Variants in ILF2 observed in about 807,000 individuals in gnomAD.
ILF2 encodes interleukin enhancer binding factor 2, also known as interleukin enhancer-binding factor 2.
In ILF2, 9 loss-of-function variants were observed where a neutral mutation model predicts 55.3. That is an observed-to-expected ratio of 0.16 (90% CI 0.10 to 0.28). ILF2 has a LOEUF of 0.28. ILF2 is among the 10% of genes least tolerant of loss of function. ILF2 has a pLI of 1.00. For missense variants in ILF2, 266 were observed against 474.9 expected, an observed-to-expected ratio of 0.56 and a Z score of 4.09; for synonymous variants, 151 against 161.8, an observed-to-expected ratio of 0.93 and a Z score of 0.50.
intron 12 of ILF2, 97 bp downstream of exon 12, chr1:153,662,922 A>G: frequency 7.5e-7 from 1 of 1,336,634 alleles, no homozygotes; most frequent in Non-Finnish European, 1.1e-6. Context: ...GAATCCCCAA[A>G]TTCCTGACCC....
chr1:153,663,014 A>G lies in ILF2; in HGVS notation c.921+5T>C. 1.9e-6 allele frequency: 3 copies of G among 1,607,518 alleles called. No homozygotes were observed. Among genetic ancestry groups the G allele is most frequent in the Middle Eastern group, 1.7e-4 (1 of 6,044 alleles). On this transcript the variant is annotated splice_donor_5th_base_variant and intron_variant, in intron 12 of 13. Coordinates refer to ENST00000361891, the MANE Select transcript of ILF2 (RefSeq NM_004515.4). ...AAACAACTCAGTTCATATCTGTCCC[A>G]ATACCTGCTGTTCTAGGGTCATGAC...
chr1:153,669,871 G>A lies in ILF2; in HGVS notation c.73C>T (p.Pro25Ser). The change falls in exon 3 of 14, where the codon CCC becomes TCC. Residue 25 changes from proline (P) to serine (S), a missense_variant. Transcript: ENST00000361891. ...SRGGPGGGFR[P>S]FVPHIPFDFY... ...TCAAATGGGATATGTGGTACAAAGG[G>A]CCTGAACCTAAAACATGAAAAACAG... is the stretch of plus-strand genomic sequence containing the variant. 6.2e-7 allele frequency: 1 copy of A among 1,612,682 alleles called. No individual in the cohort carries two copies. The highest frequency in any genetic ancestry group is 8.5e-7 in the Non-Finnish European group (1 of 1,178,700).
chr1:153,666,100 G>C (rs1412612785), intron 6 of ILF2, among the ~76,000 whole-genome samples: 2 of 152,170 alleles, frequency 1.3e-5, no homozygotes, highest in Non-Finnish European at 2.9e-5. Flanking sequence ...CCAGGCTGCA[G>C]TGCAGTGGCA....
Position 153,662,524 on chromosome 1 carries a change from C to T in ILF2, c.1045G>A (p.Val349Met). The change falls in exon 14 of 14, where the codon GTG becomes ATG. Residue 349 changes from valine to methionine, a missense_variant. By Grantham distance (21) the Val-to-Met change is conservative. Transcript: ENST00000361891. ...GCCTTTTCTGAAGGTGTTACTATCA[C>T]TCCATCCCAGGTAGATATTTCAGAA... The part of the protein sequence containing the change: ...LASEISTWDG[V>M]IVTPSEKAYE... The T allele has an allele frequency of 6.2e-7, 1 of 1,614,148 alleles. No homozygotes were observed. Among genetic ancestry groups the T allele is most frequent in the South Asian group, 1.1e-5 (1 of 91,082 alleles).
At chr1:153,662,994 A>G (rs1332991479) in intron 12 of ILF2, 25 bp downstream of exon 12, 2 of 1,577,564 alleles carry the variant, frequency 1.3e-6, no homozygotes, top group Non-Finnish European at 1.7e-6. Context: ...GGGCAAAACA[A>G]CTCAGTTCAT....
At chr1:153,667,822 C>T (rs1208250621) in intron 5 of ILF2, among the ~76,000 whole-genome samples, 165 bp from the exon 6 acceptor site, 1 of 152,182 alleles carries the variant, frequency 6.6e-6, no homozygotes, top group Non-Finnish European at 1.5e-5. Context: ...TCACAGCTAG[C>T]ATAACAATGA....
At chr1:153,668,210 C>A in intron 4 of ILF2, 133 bp from the exon 5 acceptor site, 1 of 783,408 alleles carries the variant, frequency 1.3e-6, no homozygotes, top group South Asian at 1.8e-5. Context: ...ACACTTCATT[C>A]TGGCCTTGAA....
In ILF2 at chr1:153,665,297, C is replaced by T; in HGVS notation, c.500G>A (p.Ser167Asn). The T allele has an allele frequency of 6.2e-7, 1 of 1,613,772 alleles. No homozygotes were observed. Among genetic ancestry groups the T allele is most frequent in the Non-Finnish European group, 8.5e-7 (1 of 1,179,692 alleles). ...AATCTTCACTGTAGCATCAGAAGAA[C>T]TGATTTCAAAGCCAGTTTCGTTGGT... The part of the protein sequence containing the change: ...MLTNETGFEI[S>N]SSDATVKILI... Residue 167 changes from serine to asparagine, a missense_variant, in exon 8 of 14, where the codon AGT (serine) becomes AAT (asparagine). Physicochemically the swap from Ser to Asn is conservative, Grantham distance 46 (BLOSUM62 1). Coordinates refer to ENST00000361891, the MANE Select transcript of ILF2 (RefSeq NM_004515.4).
chr1:153,666,508 C>T (rs911427832), intron 6 of ILF2, among the ~76,000 whole-genome samples: 2 of 152,108 alleles, frequency 1.3e-5, no homozygotes, highest in Admixed American at 1.3e-4. Flanking sequence ...GCATGCACCA[C>T]CATGCCCAGC....
At chr1:153,666,601 C>T (rs1477090538) in intron 6 of ILF2, among the ~76,000 whole-genome samples, 1 of 152,152 alleles carries the variant, frequency 6.6e-6, no homozygotes, top group African/African-American at 2.4e-5. Flanking sequence ...ATCCTCTTGC[C>T]TCAGCCTCCC....
chr1:153,663,244 T>G lies in ILF2; in HGVS notation c.777A>C (p.Arg259Ser). The part of the protein sequence containing the change: ...GHYAVMNNPT[R>S]QPLALNVAYR... The stretch of plus-strand genomic sequence containing the variant: ...ATGCAACGTTTAGGGCCAAAGGCTG[T>G]CTGGTGGGGTTGTTCATCACAGCAT... Residue 259 changes from arginine to serine, a missense_variant, in exon 11 of 14, where the codon AGA (arginine) becomes AGC (serine). Coordinates refer to ENST00000361891, the MANE Select transcript of ILF2 (RefSeq NM_004515.4). 1 of 1,614,184 alleles carries G rather than the reference T, an allele frequency of 6.2e-7. No individual in the cohort carries two copies.
chr1:153,663,095 G>T lies in ILF2; in HGVS notation c.845C>A (p.Pro282Gln). 1 of 1,614,104 alleles carries T rather than the reference G, an allele frequency of 6.2e-7. No individual in the cohort carries two copies. Among genetic ancestry groups the T allele is most frequent in the Non-Finnish European group, 8.5e-7 (1 of 1,180,014 alleles). The change falls in exon 12 of 14, where the codon CCA becomes CAA. Residue 282 changes from proline (P) to glutamine (Q), a missense_variant. Physicochemically the swap from Pro to Gln is moderately conservative, Grantham distance 76. Transcript: ENST00000361891. ...LQILAAGLFL[P>Q]GSVGITDPCE... is the part of the protein sequence containing the mutation. Reference sequence around the variant, plus strand: ...GGGGTCAGTGATACCCACTGAACCTGGCAGGAACAGTCCTGCAGCCAGAAT... The same window carrying T: ...GGGGTCAGTGATACCCACTGAACCTTGCAGGAACAGTCCTGCAGCCAGAAT...
Position 153,667,980 on chromosome 1 carries a change from C to A in ILF2, c.291+20G>T. On this transcript the variant is annotated intron_variant, in intron 5 of 13. Transcript: ENST00000361891. ...CTACCAAAGCTGCCCTTTCCTAAAA[C>A]TAAATCATCAAAAACTCACCACTTC... 6.3e-7 allele frequency: 1 copy of A among 1,578,496 alleles called. No homozygotes were observed. Among genetic ancestry groups the A allele is most frequent in the Non-Finnish European group, 8.7e-7 (1 of 1,155,554 alleles).
Position 153,665,655 on chromosome 1 carries a change from A to G in ILF2, c.460+8T>C. On this transcript the variant is annotated splice_region_variant and intron_variant, in intron 7 of 13. Coordinates refer to ENST00000361891, the MANE Select transcript of ILF2 (RefSeq NM_004515.4). ...CTACTAAATACAGAATCAGCAACAAATGCAAACCTTCAGAAGGATCCTGTG... is the reference window on the plus strand; with the variant it reads ...CTACTAAATACAGAATCAGCAACAAGTGCAAACCTTCAGAAGGATCCTGTG... The G allele has an allele frequency of 1.9e-6, 3 of 1,612,634 alleles. No homozygotes were observed. The highest frequency in any genetic ancestry group is 1.7e-6 in the Non-Finnish European group (2 of 1,178,580).
At chr1:153,670,781 C>T in intron 1 of ILF2, 137 bp downstream of exon 1, 1 of 1,046,470 alleles carries the variant, frequency 9.6e-7, no homozygotes, top group East Asian at 2.4e-5. Flanking sequence ...CTCCCACTAT[C>T]CTAGACCAGG....
chr1:153,661,958 A>C lies in ILF2; in HGVS notation c.*438T>G, dbSNP rs937252375. On this transcript the variant is annotated 3_prime_UTR_variant, in exon 14 of 14. Coordinates refer to ENST00000361891, the MANE Select transcript of ILF2 (RefSeq NM_004515.4). ...ATTATCATTTTCAACAAAAGAGTACACAAAGCCAAAAGCAAAAAAGGTTGC... is the reference window on the plus strand; with the variant it reads ...ATTATCATTTTCAACAAAAGAGTACCCAAAGCCAAAAGCAAAAAAGGTTGC... 1 of 158,054 alleles carries C rather than the reference A, an allele frequency of 6.3e-6. No individual in the cohort carries two copies. The highest frequency in any genetic ancestry group is 6.2e-5 in the Admixed American group (1 of 16,190). The allele number at this position is 158,054 out of a possible 1,614,324, so 9.8% of individuals were successfully genotyped here. A position where few individuals can be genotyped will look rare whatever the true frequency, so the allele number is the denominator to read the frequency against.
intron 5 of ILF2, 57 bp downstream of exon 5, chr1:153,667,943 G>A: frequency 8.1e-7 from 1 of 1,228,344 alleles, no homozygotes; most frequent in East Asian, 2.3e-5. Context: ...AAGAGCCAAG[G>A]CAATTTCCAC....
chr1:153,663,387 G>A, intron 10 of ILF2, 111 bp from the exon 11 acceptor site: 1 of 995,442 alleles, frequency 1.0e-6, no homozygotes, highest in Non-Finnish European at 1.6e-6. Flanking sequence ...GGAGTGCAGT[G>A]GCGCAATCAT....
In ILF2 at chr1:153,670,335, G is replaced by A. The variant is rs566463907; in HGVS notation, c.6-105C>T. ...CTCGGAACCTCCCAACGGTAGGCAA[G>A]AGACCCCACTCACACTTACACTTGT... On this transcript the variant is annotated intron_variant, in intron 1 of 13. Transcript: ENST00000361891. 1.4e-4 allele frequency: 153 copies of A among 1,067,564 alleles called. No homozygotes were observed. In the African/African-American group the frequency reaches 2.0e-3, roughly 14 times the overall value. The allele number at this position is 1,067,564 out of a possible 1,614,324, so 66.1% of individuals were successfully genotyped here.
Sources: allele counts gnomAD v4.1 joint callset (sites outside exome capture counted in the v4.1 genomes callset), GRCh38; gene constraint gnomAD v4.1.1; transcripts MANE v1.5; gene names NCBI Gene and HGNC (gene_info 2026-07-23, HGNC 2026-07-21).